EFCAB8: variants seen among roughly 807,000 people sequenced by gnomAD.
EFCAB8 encodes EF-hand calcium-binding domain-containing protein 8.
In EFCAB8, 100 loss-of-function variants were observed where a neutral mutation model predicts 116.3. The observed-to-expected ratio is 0.86, with a 90% CI of 0.73 to 1.02. The LOEUF (loss-of-function observed/expected upper bound fraction) is 1.02. Among genes scored for constraint, EFCAB8 ranks in the 50% least tolerant of loss-of-function variants. The pLI, the probability that EFCAB8 is intolerant of heterozygous loss-of-function variation, is 0.00. For synonymous variants in EFCAB8, 558 were observed against 567.9 expected (o/e 0.98, Z 0.25); for missense variants, 1,320 against 1,416.9 (o/e 0.93, Z 1.10).
chr20:32,953,503 G>T (rs565775624), intron 23 of EFCAB8, among the ~76,000 whole-genome samples: 386 of 151,762 alleles, frequency 2.5e-3, no homozygotes, highest in Non-Finnish European at 4.1e-3. Flanking sequence ...TTTTGTTTTT[G>T]TTTTTTTTGT....
At chr20:32,881,797 A>G (rs1231564502) in intron 5 of EFCAB8, among the ~76,000 whole-genome samples, 1 of 152,176 alleles carries the variant, frequency 6.6e-6, no homozygotes, top group Non-Finnish European at 1.5e-5. Context: ...GAGACAATAT[A>G]GCTGTATTTA....
rs1335880681 is a variant in EFCAB8, at chr20:32,959,839, G to A, written c.3151G>A (p.Ala1051Thr). Reference sequence around the variant, plus strand: ...GCGGCGAGAGCAGGCGGCGCTGATGGCTCTCCTGCATGGGAAGGCAGATAA... The same window carrying A: ...GCGGCGAGAGCAGGCGGCGCTGATGACTCTCCTGCATGGGAAGGCAGATAA... ...YQRREQAALM[A>T]LLHGKADKEA... is the part of the protein sequence containing the mutation. The change falls in exon 25 of 27, where the codon GCT becomes ACT. Residue 1051 changes from alanine to threonine, a missense_variant. Transcript: ENST00000400522. The A allele has an allele frequency of 1.9e-6, 3 of 1,546,644 alleles. No homozygotes were observed. The South Asian group carries it at 3.6e-5, about 19-fold the overall frequency.
intron 1 of EFCAB8, 29 bp downstream of exon 1, chr20:32,859,035 T>C (rs1271119635): frequency 2.1e-6 from 1 of 471,124 alleles, no homozygotes; most frequent in South Asian, 1.5e-5. Context: ...TGAAAGTTGC[T>C]CTCCAAAAGA....
chr20:32,862,383 C>T (rs1984159647), intron 1 of EFCAB8, among the ~76,000 whole-genome samples: 1 of 151,984 alleles, frequency 6.6e-6, no homozygotes, highest in Non-Finnish European at 1.5e-5. Flanking sequence ...CCGCCTCGGC[C>T]TATTTTTTAT....
At chr20:32,869,301 G>C (rs1270765289) in intron 3 of EFCAB8, among the ~76,000 whole-genome samples, 2 of 151,532 alleles carry the variant, frequency 1.3e-5, no homozygotes, top group African/African-American at 2.4e-5. Context: ...GCAATGGCAC[G>C]ATCTTGGCTC....
At chr20:32,908,474 C>A (rs1264655248) in intron 14 of EFCAB8, 62 bp downstream of exon 14, 1 of 1,247,752 alleles carries the variant, frequency 8.0e-7, no homozygotes, top group Non-Finnish European at 1.0e-6. Flanking sequence ...GGGTCTGAAT[C>A]CCATGGGACA....
At chr20:32,906,528 C>T (rs1366750847) in intron 11 of EFCAB8, 34 bp from the exon 12 acceptor site, 8 of 718,026 alleles carry the variant, frequency 1.1e-5, no homozygotes, top group African/African-American at 3.5e-5. Context: ...CCACTGCTCC[C>T]GGCCCTGCAG....
chr20:32,906,324 G>A (rs561823843), intron 11 of EFCAB8, among the ~76,000 whole-genome samples: 24 of 152,278 alleles, frequency 1.6e-4, no homozygotes, highest in African/African-American at 5.8e-4. Flanking sequence ...TGGGCTGTTG[G>A]TTTGGGGCCA....
intron 23 of EFCAB8, among the ~76,000 whole-genome samples, chr20:32,944,923 C>T (rs1161425747): frequency 3.3e-5 from 5 of 149,460 alleles, no homozygotes; most frequent in African/African-American, 1.2e-4. Context: ...CTCTCTGTCT[C>T]TCTCTCCTCC....
intron 11 of EFCAB8, among the ~76,000 whole-genome samples, chr20:32,901,869 G>A (rs1986445046): frequency 6.6e-6 from 1 of 152,184 alleles, no homozygotes; most frequent in Non-Finnish European, 1.5e-5. Context: ...TGCATTTTTA[G>A]TAGAGACGGG....
At chr20:32,942,096 G>A (rs977987694) in intron 22 of EFCAB8, among the ~76,000 whole-genome samples, 1 of 151,826 alleles carries the variant, frequency 6.6e-6, no homozygotes, top group African/African-American at 2.4e-5. Flanking sequence ...TTTTATCTTT[G>A]ACAACCTAAA....
intron 17 of EFCAB8, 95 bp from the exon 18 acceptor site, chr20:32,917,206 C>T (rs17123864): frequency 0.12 from 111,787 of 962,524 alleles, 7,195 homozygotes; most frequent in Middle Eastern, 0.15. Flanking sequence ...TCCTCTGAGT[C>T]GGCTCCCAGA....
intron 22 of EFCAB8, among the ~76,000 whole-genome samples, chr20:32,935,233 T>C (rs1261199203): frequency 7.1e-6 from 1 of 141,554 alleles, no homozygotes; most frequent in Non-Finnish European, 1.5e-5. Flanking sequence ...GGCGTTTTGC[T>C]CTTGTTGCCC....
Position 32,918,445 on chromosome 20 carries a change from C to T in EFCAB8, c.2145C>T (p.Thr715=), listed in dbSNP as rs79004359. ...YVEREKWTYK[T]SRKLSSLSPE... is the part of the protein sequence containing the mutation. ...AGCGGGAGAAGTGGACATACAAGAC[C>T]TCCAGGAAGCTCTCCAGTCTCAGCC... is the stretch of plus-strand genomic sequence containing the variant. Residue 715 remains threonine, a synonymous_variant, in exon 19 of 27, where the codon ACC becomes ACT. Coordinates refer to ENST00000400522, the MANE Select transcript of EFCAB8 (RefSeq NM_001143967.2). 3 of 1,551,734 alleles carry T rather than the reference C, an allele frequency of 1.9e-6. No homozygotes were observed. Among genetic ancestry groups the T allele is most frequent in the Non-Finnish European group, 2.6e-6 (3 of 1,146,994 alleles).
chr20:32,945,098 CT>C (rs1988544982), intron 23 of EFCAB8, among the ~76,000 whole-genome samples: 1 of 151,920 alleles, frequency 6.6e-6, no homozygotes, highest in Admixed American at 6.6e-5. Flanking sequence ...CTGTAGATGA[CT>C]TTTGAATTCA....
At chr20:32,874,372 G>T (rs1176278644) in intron 3 of EFCAB8, among the ~76,000 whole-genome samples, 2 of 151,810 alleles carry the variant, frequency 1.3e-5, no homozygotes, top group African/African-American at 4.8e-5. Flanking sequence ...ACAGGCTCAC[G>T]CCACTACACC....
chr20:32,912,331 C>T (rs1341587086), intron 16 of EFCAB8, among the ~76,000 whole-genome samples: 2 of 151,336 alleles, frequency 1.3e-5, no homozygotes, highest in African/African-American at 2.4e-5. Flanking sequence ...ATCCCAGCTA[C>T]TCGGGAAGCT....
chr20:32,936,932 T>G (rs1001685236), intron 22 of EFCAB8, among the ~76,000 whole-genome samples: 22 of 152,138 alleles, frequency 1.4e-4, no homozygotes, highest in Non-Finnish European at 1.2e-4. Flanking sequence ...ATTCTTCTAA[T>G]TTATCAACAC....
In EFCAB8 at chr20:32,878,802, C is replaced by G. The variant is rs747856492; in HGVS notation, c.426C>G (p.Val142=). The G allele has an allele frequency of 1.2e-5, 18 of 1,552,014 alleles. No individual in the cohort carries two copies. Among genetic ancestry groups the G allele is most frequent in the East Asian group, 4.9e-5 (2 of 40,914 alleles). ...RLHFYLPMTV[V]PLNHGCEVVK... Reference sequence around the variant, plus strand: ...ACTTCTACCTTCCCATGACGGTCGTCCCCCTGTAAGGAGCCTCTTCCTGGG... The same window carrying G: ...ACTTCTACCTTCCCATGACGGTCGTGCCCCTGTAAGGAGCCTCTTCCTGGG... Residue 142 remains valine (V), a synonymous_variant, in exon 5 of 27, where the codon GTC becomes GTG. Transcript: ENST00000400522.
Sources: allele counts gnomAD v4.1 joint callset (sites outside exome capture counted in the v4.1 genomes callset), GRCh38; gene constraint gnomAD v4.1.1; transcripts MANE v1.5; gene names NCBI Gene and HGNC (gene_info 2026-07-23, HGNC 2026-07-21).